WFDC1: variants seen among roughly 807,000 people sequenced by gnomAD.
The protein encoded by WFDC1 is WAP four-disulfide core domain protein 1.
In WFDC1, 39 loss-of-function variants were observed where a neutral mutation model predicts 32.9. That is an observed-to-expected ratio of 1.19 (90% confidence interval 0.92 to 1.55). The LOEUF is 1.55. WFDC1 is among the 40% of genes most tolerant of loss of function. The probability of loss-of-function intolerance (pLI) is 0.00; values close to 1 mark genes in which losing one functional copy is unlikely to be tolerated. For missense variants in WFDC1, 386 were observed against 309.5 expected, an observed-to-expected ratio of 1.25 and a Z score of -1.85; for synonymous variants, 184 against 137.4, an observed-to-expected ratio of 1.34 and a Z score of -2.37.
At chr16:84,298,220 G>T (rs1906725598) in intron 1 of WFDC1, among the ~76,000 whole-genome samples, 1 of 151,786 alleles carries the variant, frequency 6.6e-6, no homozygotes, top group African/African-American at 2.4e-5. Context: ...TGATTCTTGT[G>T]CCTAGGCCTC....
At chr16:84,318,939 TGTGC>T in intron 3 of WFDC1, 1 of 185,982 alleles carries the variant, frequency 5.4e-6, no homozygotes, top group Non-Finnish European at 1.1e-5. Context: ...TGTGTGTGTG[TGTGC>T]ATGCAAAAGT....
At chr16:84,319,200 T>G in intron 3 of WFDC1, 3 of 558,562 alleles carry the variant, frequency 5.4e-6, no homozygotes, top group Non-Finnish European at 9.5e-6. Flanking sequence ...TGGGATCAGG[T>G]GAGCTTGGAC....
chr16:84,307,722 G>T (rs1007908850), intron 1 of WFDC1, among the ~76,000 whole-genome samples: 2 of 152,160 alleles, frequency 1.3e-5, no homozygotes, highest in African/African-American at 4.8e-5. Flanking sequence ...GACGACGTAC[G>T]GTGTATTCTT....
chr16:84,319,155 C>T, intron 3 of WFDC1: 1 of 507,700 alleles, frequency 2.0e-6, no homozygotes, highest in Non-Finnish European at 3.5e-6. Flanking sequence ...GTGAACATGT[C>T]TATATGGATG....
At chr16:84,313,904 T>C (rs946943788) in intron 2 of WFDC1, among the ~76,000 whole-genome samples, 1 of 152,136 alleles carries the variant, frequency 6.6e-6, no homozygotes, top group African/African-American at 2.4e-5. Flanking sequence ...TAGCCAGGCG[T>C]GGTGGCAGGA....
At chr16:84,299,224 C>A (rs958872720) in intron 1 of WFDC1, among the ~76,000 whole-genome samples, 1 of 151,928 alleles carries the variant, frequency 6.6e-6, no homozygotes, top group Non-Finnish European at 1.5e-5. Context: ...ATTAGCCGGG[C>A]ATGGTGGCGC....
chr16:84,318,363 C>A lies in WFDC1; in HGVS notation c.421+8C>A, dbSNP rs1428030292. ...CTGAGGAGGTGTTACAAGGTACCTG[C>A]CGGGTAAAGCCCAGACCCTACATCC... On this transcript the variant is annotated splice_region_variant and intron_variant, in intron 3 of 6. Transcript: ENST00000219454. 11 of 1,613,550 alleles carry A rather than the reference C, an allele frequency of 6.8e-6. No homozygotes were observed. Among genetic ancestry groups the A allele is most frequent in the Non-Finnish European group, 9.3e-6 (11 of 1,179,618 alleles).
chr16:84,307,033 G>C (rs200586873), intron 1 of WFDC1, among the ~76,000 whole-genome samples: 1 of 152,152 alleles, frequency 6.6e-6, no homozygotes, highest in Non-Finnish European at 1.5e-5. Flanking sequence ...GGTGAGAGCC[G>C]GGCAGATATG....
chr16:84,327,329 G>A (rs1363905094), intron 6 of WFDC1: 2 of 195,068 alleles, frequency 1.0e-5, no homozygotes, highest in Non-Finnish European at 2.1e-5. Context: ...CAGTAGCTGG[G>A]ACTACAGACA....
chr16:84,315,879 T>G (rs1438186370), intron 2 of WFDC1, among the ~76,000 whole-genome samples: 1 of 152,124 alleles, frequency 6.6e-6, no homozygotes, highest in Non-Finnish European at 1.5e-5. Context: ...TGGGCCCAGG[T>G]TGTTTATTTG....
intron 1 of WFDC1, 87 bp from the exon 2 acceptor site, chr16:84,312,874 C>T (rs1597679111): frequency 1.2e-6 from 1 of 825,216 alleles, no homozygotes; most frequent in East Asian, 6.5e-5. Context: ...AGAGGCCCGG[C>T]GCACTGCCCA....
chr16:84,309,659 C>G (rs1278055052), intron 1 of WFDC1, among the ~76,000 whole-genome samples: 1 of 152,064 alleles, frequency 6.6e-6, no homozygotes, highest in Non-Finnish European at 1.5e-5. Flanking sequence ...TCAGCATCAG[C>G]TTCACTGGAC....
At chr16:84,323,106 C>T (rs1465215907) in intron 4 of WFDC1, among the ~76,000 whole-genome samples, 1 of 152,174 alleles carries the variant, frequency 6.6e-6, no homozygotes, top group Non-Finnish European at 1.5e-5. Context: ...CCCCAGCCTA[C>T]AAAAACCTTA....
At position 84,319,414 on chromosome 16, in the gene WFDC1, G is replaced by C. The variant is rs755934672; in HGVS notation, c.422-17G>C. On this transcript the variant is annotated splice_polypyrimidine_tract_variant and intron_variant, in intron 3 of 6. Coordinates refer to ENST00000219454, the MANE Select transcript of WFDC1 (RefSeq NM_021197.4). The stretch of plus-strand genomic sequence containing the variant: ...GGGAGTCGGCCTTCTAGACCCCAGC[G>C]TGTGTCCCTCCTGCAGCAGAGGCGT... 6.2e-7 allele frequency: 1 copy of C among 1,607,118 alleles called. No homozygotes were observed. Among genetic ancestry groups the C allele is most frequent in the East Asian group, 2.2e-5 (1 of 44,860 alleles).
At chr16:84,308,369 G>A (rs550436537) in intron 1 of WFDC1, among the ~76,000 whole-genome samples, 7 of 152,318 alleles carry the variant, frequency 4.6e-5, no homozygotes, top group Non-Finnish European at 7.4e-5. Flanking sequence ...AGATAGGCAC[G>A]CAGGAAGGAC....
chr16:84,322,523 A>C (rs1312086890), intron 4 of WFDC1, among the ~76,000 whole-genome samples: 3 of 152,178 alleles, frequency 2.0e-5, no homozygotes, highest in Non-Finnish European at 4.4e-5. Context: ...AGTTGTTAAA[A>C]AACTACCGTT....
intron 1 of WFDC1, among the ~76,000 whole-genome samples, chr16:84,307,060 A>G (rs1287285967): frequency 6.6e-6 from 1 of 152,132 alleles, no homozygotes; most frequent in Non-Finnish European, 1.5e-5. Flanking sequence ...GGGCGGGGAA[A>G]GAGCCAGTGC....
intron 1 of WFDC1, among the ~76,000 whole-genome samples, chr16:84,304,462 A>G (rs551001373): frequency 3.3e-5 from 5 of 152,272 alleles, no homozygotes; most frequent in African/African-American, 1.2e-4. Flanking sequence ...TCCTGACCTC[A>G]GGTGATCCAC....
intron 1 of WFDC1, 26 bp downstream of exon 1, chr16:84,295,141 G>C (rs1906517480): frequency 5.6e-6 from 9 of 1,611,184 alleles, no homozygotes; most frequent in Non-Finnish European, 7.6e-6. Context: ...GGGGAGGCTG[G>C]GGCAGCCTGT....
Sources: allele counts gnomAD v4.1 joint callset (sites outside exome capture counted in the v4.1 genomes callset), GRCh38; gene constraint gnomAD v4.1.1; transcripts MANE v1.5; gene names NCBI Gene and HGNC (gene_info 2026-07-23, HGNC 2026-07-21).